KCNIP1: variants seen among roughly 807,000 people sequenced by gnomAD.
KCNIP1 encodes A-type potassium channel modulatory protein KCNIP1.
Under a neutral mutation model 33.0 loss-of-function variants are expected in KCNIP1, and 18 were observed. The observed-to-expected ratio is 0.55, with a 90% CI of 0.38 to 0.81. KCNIP1 has a LOEUF of 0.81. KCNIP1 is among the 30% of genes least tolerant of loss of function. KCNIP1 has a pLI of 0.00. For missense variants in KCNIP1, 238 were observed against 271.6 expected (o/e 0.88, Z 0.87); for synonymous variants, 93 against 98.3 (o/e 0.95, Z 0.32).
chr5:170,579,076 G>A (rs888734635), intron 1 of KCNIP1, among the ~76,000 whole-genome samples: 1 of 152,204 alleles, frequency 6.6e-6, no homozygotes, highest in African/African-American at 2.4e-5. Flanking sequence ...CAATGGCATA[G>A]TAGAGGTAGC....
At chr5:170,693,015 A>T (rs896309658) in intron 1 of KCNIP1, among the ~76,000 whole-genome samples, 2 of 152,346 alleles carry the variant, frequency 1.3e-5, no homozygotes, top group Middle Eastern at 3.4e-3. Context: ...CTGGTTAATA[A>T]ACTAAAAATA....
At position 170,504,765 on chromosome 5, in the gene KCNIP1, A is replaced by G; in HGVS notation, c.61+132A>G. The G allele has an allele frequency of 1.3e-6, 1 of 761,784 alleles. No homozygotes were observed. 47.2% of individuals were successfully genotyped at this position (761,784 alleles called of 1,614,324 possible). ...GGAGCCCGGACAGGTGCTTGTATCC[A>G]AAGGAGAGAGAAATCGGCGGGAGGG... On this transcript the variant is annotated intron_variant, in intron 1 of 7. Transcript: ENST00000328939. The surrounding 1 kb of genome is among the most constrained non-coding windows in gnomAD (Gnocchi z 6.0).
At chr5:170,581,521 G>C (rs994935162) in intron 1 of KCNIP1, among the ~76,000 whole-genome samples, 1 of 152,234 alleles carries the variant, frequency 6.6e-6, no homozygotes, top group Admixed American at 6.5e-5. Context: ...GTGGACATGA[G>C]TGAATCATTT....
At chr5:170,432,030 CTT>C (rs917440491) in intron 1 of KCNIP1, among the ~76,000 whole-genome samples, 6 of 149,322 alleles carry the variant, frequency 4.0e-5, no homozygotes, top group Non-Finnish European at 8.9e-5. Flanking sequence ...GTGTCTCTCT[CTT>C]TCTCTTTTTT....
chr5:170,407,976 AG>A (rs139971740), intron 1 of KCNIP1, among the ~76,000 whole-genome samples: 18,478 of 152,252 alleles, frequency 0.12, 1,308 homozygotes, highest in South Asian at 0.16. Flanking sequence ...GTGTGACTTA[AG>A]TCAAATAGCT....
At chr5:170,670,278 T>C (rs972784568) in intron 1 of KCNIP1, among the ~76,000 whole-genome samples, 1 of 152,038 alleles carries the variant, frequency 6.6e-6, no homozygotes. Flanking sequence ...GAGAGAGAGA[T>C]GGATGAATGG....
intron 1 of KCNIP1, among the ~76,000 whole-genome samples, chr5:170,427,986 C>G (rs1263138274): frequency 6.6e-6 from 1 of 152,174 alleles, no homozygotes; most frequent in Non-Finnish European, 1.5e-5. Flanking sequence ...TGTGATTTCC[C>G]CTTTCCAGAA....
At chr5:170,473,373 T>C (rs899804056) in intron 1 of KCNIP1, among the ~76,000 whole-genome samples, 2 of 152,214 alleles carry the variant, frequency 1.3e-5, no homozygotes, top group Non-Finnish European at 2.9e-5. Context: ...ACCAGTGTTA[T>C]GCCCATTTTA....
At chr5:170,653,257 G>C (rs1761124300) in intron 1 of KCNIP1, among the ~76,000 whole-genome samples, 1 of 152,144 alleles carries the variant, frequency 6.6e-6, no homozygotes, top group Non-Finnish European at 1.5e-5. Flanking sequence ...TGAGGAATTG[G>C]GGAAACTCTC....
chr5:170,679,036 C>A (rs187078103), intron 1 of KCNIP1: 7 of 152,244 alleles, frequency 4.6e-5, no homozygotes, highest in African/African-American at 9.6e-5. Context: ...TTGCTAGGGC[C>A]CCAGAGGAGA....
chr5:170,607,179 G>A (rs1581391223), intron 1 of KCNIP1, among the ~76,000 whole-genome samples: 1 of 152,318 alleles, frequency 6.6e-6, no homozygotes, highest in South Asian at 2.1e-4. Flanking sequence ...GGATCAGCCT[G>A]CCCTGGTTCG....
rs568867161 is a variant in KCNIP1, at chr5:170,419,624, G to C, written c.88+65660G>C. On this transcript the variant is annotated intron_variant, in intron 1 of 7. Coordinates refer to the KCNIP1 transcript ENST00000377360. ...GTATGATCATTTTAGACATAAAATT[G>C]TGCACTTACGATGTACCAAGTGCTT... is the stretch of plus-strand genomic sequence containing the variant. 1.8e-4 allele frequency among the ~76,000 whole-genome samples: 27 copies of C among 152,302 alleles called. No homozygotes were observed. The East Asian group carries it at 2.7e-3, about 15-fold the overall frequency.
intron 6 of KCNIP1, 58 bp downstream of exon 6, chr5:170,732,962 C>A (rs1484934202): frequency 2.9e-6 from 3 of 1,024,580 alleles, no homozygotes; most frequent in South Asian, 1.3e-5. Flanking sequence ...AGTCAACCCA[C>A]GAGCATCTGA....
intron 1 of KCNIP1, among the ~76,000 whole-genome samples, chr5:170,594,791 A>G (rs189527936): frequency 3.9e-5 from 6 of 152,182 alleles, no homozygotes; most frequent in African/African-American, 1.4e-4. Context: ...GATTACAGGC[A>G]TGAGCCACTG....
chr5:170,558,459 C>T (rs1289523730), intron 1 of KCNIP1, among the ~76,000 whole-genome samples: 1 of 152,208 alleles, frequency 6.6e-6, no homozygotes, highest in African/African-American at 2.4e-5. Flanking sequence ...TTTCTTCCAG[C>T]CGCATCATTG....
chr5:170,366,181 T>A (rs1029882422), intron 1 of KCNIP1, among the ~76,000 whole-genome samples: 7 of 152,256 alleles, frequency 4.6e-5, no homozygotes, highest in Non-Finnish European at 7.3e-5. Context: ...AAGCTCTTCA[T>A]GTCCAGAACC....
At chr5:170,388,067 G>A (rs1764557702) in intron 1 of KCNIP1, among the ~76,000 whole-genome samples, 2 of 152,212 alleles carry the variant, frequency 1.3e-5, no homozygotes, top group Non-Finnish European at 2.9e-5. Flanking sequence ...TTGGCTTCTA[G>A]TGCCCTCTCA....
chr5:170,422,620 T>C (rs1755522368), intron 1 of KCNIP1: 1 of 152,240 alleles, frequency 6.6e-6, no homozygotes, highest in African/African-American at 2.4e-5. Flanking sequence ...GCAAAAATTG[T>C]TGCCTTAAAG....
rs191529956 is a variant in KCNIP1, at chr5:170,625,010, C to T, written c.62-93748C>T. On this transcript the variant is annotated intron_variant, in intron 1 of 7. Transcript: ENST00000328939. ...GGGGCACTATAGCAGAGAGGGCTCT[C>T]TTCCAGTCTATTGCAGATGGATGCC... 4.6e-5 allele frequency among the ~76,000 whole-genome samples: 7 copies of T among 152,260 alleles called. No homozygotes were observed. The East Asian group carries it at 1.4e-3, about 29-fold the overall frequency.
Sources: gnomAD v4.1 joint callset for allele counts (sites outside exome capture counted in the v4.1 genomes callset) on GRCh38, gnomAD v4.1.1 for gene constraint, Gnocchi (gnomAD v3.1) non-coding constraint, MANE v1.5 for transcripts, NCBI Gene and HGNC (gene_info 2026-07-23, HGNC 2026-07-21) for gene names.